TRAF3: variants seen among roughly 807,000 people sequenced by gnomAD.
TRAF3 encodes TNF receptor-associated factor 3.
TRAF3 carries 13 observed loss-of-function variants against 62.3 expected under a neutral mutation model. The ratio of observed to expected loss-of-function variants is 0.21; its 90% confidence interval spans 0.14 to 0.33. The LOEUF (loss-of-function observed/expected upper bound fraction) is 0.33, where lower values mean the gene tolerates loss of function less well. TRAF3 is among the 10% of genes least tolerant of loss of function. TRAF3 has a pLI of 1.00. For missense variants in TRAF3, 440 were observed against 741.8 expected, an observed-to-expected ratio of 0.59 and a Z score of 4.73; for synonymous variants, 269 against 283.4, an observed-to-expected ratio of 0.95 and a Z score of 0.51.
At chr14:102,851,530 G>A (rs1231608273) in intron 2 of TRAF3, among the ~76,000 whole-genome samples, 1 of 152,214 alleles carries the variant, frequency 6.6e-6, no homozygotes, top group Admixed American at 6.5e-5. Flanking sequence ...GGATCACGAG[G>A]TCAGGAGATT....
chr14:102,890,551 CTT>C (rs1889650634), intron 8 of TRAF3, among the ~76,000 whole-genome samples: 1 of 152,104 alleles, frequency 6.6e-6, no homozygotes, highest in African/African-American at 2.4e-5. Flanking sequence ...TATTGCAACA[CTT>C]ATATCAACAT....
intron 4 of TRAF3, among the ~76,000 whole-genome samples, chr14:102,872,431 C>T (rs557874204): frequency 4.6e-5 from 7 of 152,206 alleles, no homozygotes; most frequent in African/African-American, 1.7e-4. Flanking sequence ...TCCCTGCCCC[C>T]CAGGCCCCCT....
chr14:102,797,274 A>C (rs1595293335), intron 1 of TRAF3, among the ~76,000 whole-genome samples: 1 of 152,310 alleles, frequency 6.6e-6, no homozygotes, highest in Non-Finnish European at 1.5e-5. Context: ...TGAAACATGT[A>C]ATGTGTAGTT....
chr14:102,834,315 G>A (rs1885840670), intron 2 of TRAF3, among the ~76,000 whole-genome samples: 2 of 152,186 alleles, frequency 1.3e-5, no homozygotes, highest in South Asian at 2.1e-4. Flanking sequence ...TCTCATCTTC[G>A]ACAAAGCTGA....
At chr14:102,833,293 A>G (rs1303484919) in intron 2 of TRAF3, among the ~76,000 whole-genome samples, 2 of 152,184 alleles carry the variant, frequency 1.3e-5, no homozygotes, top group Non-Finnish European at 2.9e-5. Context: ...CCCTTTCCTT[A>G]TAGGACTTTT....
chr14:102,876,667 A>C, intron 6 of TRAF3, 142 bp downstream of exon 6: 1 of 1,161,894 alleles, frequency 8.6e-7, no homozygotes, highest in South Asian at 1.3e-5. Context: ...CCTTCCACTC[A>C]GTTCATAGAT....
intron 2 of TRAF3, 93 bp downstream of exon 2, chr14:102,830,565 G>T (rs1474445160): frequency 6.6e-6 from 1 of 152,166 alleles, no homozygotes; most frequent in Non-Finnish European, 1.5e-5. Context: ...TTTAGACTCT[G>T]TAATTTAGAA....
At chr14:102,820,596 ATATATATATATATATATATTTTTTTTTT>A (rs1300628778) in intron 1 of TRAF3, among the ~76,000 whole-genome samples, 44 of 11,366 alleles carry the variant, frequency 3.9e-3, no homozygotes, top group African/African-American at 9.5e-3. Context: ...ATATATATAT[ATATATATATATATATATATTTTTTTTTT>A]TTTTTTTTTT....
Position 102,870,325 on chromosome 14 carries a change from A to G in TRAF3, c.124A>G (p.Lys42Glu). 6.2e-7 allele frequency: 1 copy of G among 1,614,158 alleles called. No homozygotes were observed. The highest frequency in any genetic ancestry group is 8.5e-7 in the Non-Finnish European group (1 of 1,180,008). ...FVPEQGGYKEKFVKTVEDKYK... is the reference protein window; with the variant it reads ...FVPEQGGYKEEFVKTVEDKYK... ...CCCTGAACAAGGAGGTTACAAGGAAAAGTTTGTGAAGACCGTGGAGGACAA... is the reference window on the plus strand; with the variant it reads ...CCCTGAACAAGGAGGTTACAAGGAAGAGTTTGTGAAGACCGTGGAGGACAA... Residue 42 changes from lysine (K) to glutamate (E), a missense_variant, in exon 3 of 12, where the codon AAG (lysine) becomes GAG (glutamate). Physicochemically the swap from Lys to Glu is moderately conservative, Grantham distance 56 (BLOSUM62 1). Around this residue, in one of 6 missense-constraint regions of TRAF3, gnomAD observed 255 missense variants for 424.1 expected, o/e 0.60. Coordinates refer to ENST00000392745, the MANE Select transcript of TRAF3 (RefSeq NM_145725.3).
At position 102,908,473 on chromosome 14, in the gene TRAF3, TGC is replaced by T. The variant is rs1890700670; in HGVS notation, c.*2692_*2693del. On this transcript the variant is annotated 3_prime_UTR_variant, in exon 12 of 12. Coordinates refer to ENST00000392745, the MANE Select transcript of TRAF3 (RefSeq NM_145725.3). ...CCCTCTCCCGGCGGCGGGCAAGCCT[TGC>T]GCTGCTCCACCCTCGGCCTGGGCAC... 1 of 152,480 alleles carries T rather than the reference TGC, an allele frequency of 6.6e-6. No individual in the cohort carries two copies. The highest frequency in any genetic ancestry group is 1.5e-5 in the Non-Finnish European group (1 of 68,290). The allele number at this position is 152,480 out of a possible 1,614,324, so 9.4% of individuals were successfully genotyped here.
At chr14:102,816,383 A>G (rs1438063025) in intron 1 of TRAF3, among the ~76,000 whole-genome samples, 2 of 152,198 alleles carry the variant, frequency 1.3e-5, no homozygotes, top group African/African-American at 4.8e-5. Flanking sequence ...GATTACATGC[A>G]TTAGCTACCA....
chr14:102,812,714 T>C (rs931838196), intron 1 of TRAF3, among the ~76,000 whole-genome samples: 2 of 149,732 alleles, frequency 1.3e-5, no homozygotes, highest in Non-Finnish European at 2.9e-5. Flanking sequence ...GGTCAGGAGA[T>C]CGAGACCATC....
chr14:102,804,923 C>T (rs750302302), intron 1 of TRAF3, among the ~76,000 whole-genome samples: 2 of 152,122 alleles, frequency 1.3e-5, no homozygotes, highest in Non-Finnish European at 2.9e-5. Flanking sequence ...AAAATTGATC[C>T]TCCAGGACAG....
At chr14:102,867,004 C>A (rs979045196) in intron 2 of TRAF3, among the ~76,000 whole-genome samples, 7 of 152,086 alleles carry the variant, frequency 4.6e-5, no homozygotes, top group Admixed American at 4.6e-4. Context: ...GGCATAAAGA[C>A]CATAGTCCTT....
chr14:102,871,973 TC>T lies in TRAF3; in HGVS notation c.297+6del, dbSNP rs1595380677. 2 of 1,614,074 alleles carry T rather than the reference TC, an allele frequency of 1.2e-6. No individual in the cohort carries two copies. The highest frequency in any genetic ancestry group is 1.7e-6 in the Non-Finnish European group (2 of 1,179,944). On this transcript the variant is annotated splice_donor_region_variant and intron_variant, in intron 4 of 11. Coordinates refer to ENST00000392745, the MANE Select transcript of TRAF3 (RefSeq NM_145725.3). ...GAGAGCATCGTTAAAGATAAGGTAT[TC>T]TGGGGTTTTTTTTAATCATTTTGTC...
intron 2 of TRAF3, among the ~76,000 whole-genome samples, chr14:102,833,716 C>T (rs746597858): frequency 6.6e-6 from 1 of 152,108 alleles, no homozygotes. Flanking sequence ...GGCATGTGGC[C>T]GGGTGCGGTG....
At chr14:102,796,190 T>G (rs1273387653) in intron 1 of TRAF3, among the ~76,000 whole-genome samples, 1 of 152,192 alleles carries the variant, frequency 6.6e-6, no homozygotes, top group African/African-American at 2.4e-5. Context: ...CATTCCCACC[T>G]GGGTGACACA....
intron 1 of TRAF3, among the ~76,000 whole-genome samples, chr14:102,801,696 G>A (rs1898422240): frequency 6.6e-6 from 1 of 151,868 alleles, no homozygotes; most frequent in Admixed American, 6.6e-5. Context: ...CACCACACCT[G>A]CTTAATTTAA....
At chr14:102,861,268 A>C (rs1035731415) in intron 2 of TRAF3, among the ~76,000 whole-genome samples, 12 of 152,212 alleles carry the variant, frequency 7.9e-5, no homozygotes, top group African/African-American at 2.7e-4. Flanking sequence ...CAAAGAGTGC[A>C]AGGCAGATTA....
Sources: allele counts gnomAD v4.1 joint callset (sites outside exome capture counted in the v4.1 genomes callset), GRCh38; gene constraint gnomAD v4.1.1; regional missense constraint gnomAD v4.1.1; transcripts MANE v1.5; gene names NCBI Gene and HGNC (gene_info 2026-07-23, HGNC 2026-07-21).